The following STMN2 variants were observed in gnomAD, a reference collection of about 807,000 sequenced individuals.
STMN2 encodes the protein stathmin 2, also known as stathmin-2.
Under a neutral mutation model 24.1 loss-of-function variants are expected in STMN2, and 2 were observed. That is an observed-to-expected ratio of 0.08 (90% CI 0.03 to 0.26). The LOEUF is 0.26. Among genes scored for constraint, STMN2 ranks in the 10% least tolerant of loss-of-function variants. The pLI is 1.00. For missense variants in STMN2, 114 were observed against 213.6 expected (o/e 0.53, Z 2.91); for synonymous variants, 83 against 77.5 (o/e 1.07, Z -0.37).
At chr8:79,633,169 A>C (rs904681816) in intron 1 of STMN2, among the ~76,000 whole-genome samples, 4 of 152,328 alleles carry the variant, frequency 2.6e-5, no homozygotes, top group Non-Finnish European at 5.9e-5. Context: ...CCTTCTTCAC[A>C]GGAGAGTGTG....
At chr8:79,663,726 CA>C in intron 4 of STMN2, 1 of 1,280,634 alleles carries the variant, frequency 7.8e-7, no homozygotes, top group Non-Finnish European at 1.1e-6. Context: ...AATTTCAATT[CA>C]ATGAACATTT....
At position 79,631,546 on chromosome 8, in the gene STMN2, T is replaced by C. The variant is rs1052926342; in HGVS notation, c.20-5256T>C. 8.1e-6 allele frequency: 6 copies of C among 744,502 alleles called. No homozygotes were observed. In the African/African-American group the frequency reaches 1.1e-4, roughly 14 times the overall value. The allele number at this position is 744,502 out of a possible 1,614,324, so 46.1% of individuals were successfully genotyped here. ...TTCTGATATGTTAAAAAGGGTATTT[T>C]AAAATCTGAGTTATTTCTTTTTCTT... On this transcript the variant is annotated intron_variant, in intron 1 of 4. Transcript: ENST00000220876.
intron 1 of STMN2, among the ~76,000 whole-genome samples, chr8:79,631,767 C>G (rs1203483294): frequency 6.6e-6 from 1 of 152,164 alleles, no homozygotes; most frequent in African/African-American, 2.4e-5. Flanking sequence ...AAAAAATTAT[C>G]TGACCTTGAG....
chr8:79,633,439 G>A (rs2130339946), intron 1 of STMN2, among the ~76,000 whole-genome samples: 1 of 152,332 alleles, frequency 6.6e-6, no homozygotes, highest in Non-Finnish European at 1.5e-5. Flanking sequence ...ATTTTTATCA[G>A]TCATTTTCTT....
chr8:79,650,980 A>T (rs1347605557), intron 3 of STMN2, among the ~76,000 whole-genome samples: 1 of 152,200 alleles, frequency 6.6e-6, no homozygotes, highest in East Asian at 1.9e-4. Context: ...AATAGAGACT[A>T]ATATAGGAAG....
intron 1 of STMN2, among the ~76,000 whole-genome samples, chr8:79,629,970 A>G (rs923170699): frequency 6.6e-6 from 1 of 152,206 alleles, no homozygotes; most frequent in Non-Finnish European, 1.5e-5. Flanking sequence ...TTTTTATGCA[A>G]ACTCTTCAAG....
intron 3 of STMN2, 74 bp downstream of exon 3, chr8:79,641,624 G>GCACGCA (rs1563442403): frequency 6.3e-6 from 3 of 476,254 alleles, no homozygotes; most frequent in Non-Finnish European, 3.4e-6. Flanking sequence ...GGGCACACAT[G>GCACGCA]CACGCACACA....
chr8:79,641,142 T>C (rs1810087026), intron 2 of STMN2, among the ~76,000 whole-genome samples: 1 of 152,204 alleles, frequency 6.6e-6, no homozygotes, highest in Non-Finnish European at 1.5e-5. Context: ...CCTGCAGATA[T>C]TGTCAAATTT....
chr8:79,613,361 C>A, intron 1 of STMN2: 1 of 984,370 alleles, frequency 1.0e-6, no homozygotes, highest in Non-Finnish European at 1.2e-6. Flanking sequence ...CAGAGCCCCG[C>A]GCCGCGCCCT....
intron 1 of STMN2, among the ~76,000 whole-genome samples, chr8:79,619,513 A>G (rs190337944): frequency 1.1e-4 from 16 of 152,274 alleles, no homozygotes; most frequent in African/African-American, 3.4e-4. Context: ...ACCCCAACTT[A>G]TAATATATTG....
At chr8:79,611,300 T>C in intron 1 of STMN2, 86 bp downstream of exon 1, 1 of 1,556,560 alleles carries the variant, frequency 6.4e-7, no homozygotes, top group Admixed American at 1.7e-5. Context: ...CATTCAGAGA[T>C]ATTTTATAAA....
chr8:79,647,540 C>T (rs1810244063), intron 3 of STMN2, among the ~76,000 whole-genome samples: 1 of 152,168 alleles, frequency 6.6e-6, no homozygotes, highest in Non-Finnish European at 1.5e-5. Context: ...GGCTCAGATT[C>T]ACTTTGTGTT....
intron 1 of STMN2, among the ~76,000 whole-genome samples, chr8:79,634,444 A>G (rs1351446300): frequency 6.6e-6 from 1 of 152,198 alleles, no homozygotes; most frequent in Non-Finnish European, 1.5e-5. Context: ...GCTTATTTTA[A>G]GAAAATAAGC....
chr8:79,645,620 G>A (rs1238892354), intron 3 of STMN2, among the ~76,000 whole-genome samples: 2 of 152,114 alleles, frequency 1.3e-5, no homozygotes, highest in African/African-American at 4.8e-5. Flanking sequence ...AAGTTCAAAA[G>A]AAATTTCCAT....
At chr8:79,627,247 C>T (rs1809678990) in intron 1 of STMN2, among the ~76,000 whole-genome samples, 1 of 152,046 alleles carries the variant, frequency 6.6e-6, no homozygotes, top group Non-Finnish European at 1.5e-5. Flanking sequence ...TAATGTATTC[C>T]CAAGTTGTGA....
chr8:79,649,171 G>A (rs1019948429), intron 3 of STMN2, among the ~76,000 whole-genome samples: 1 of 152,086 alleles, frequency 6.6e-6, no homozygotes, highest in African/African-American at 2.4e-5. Context: ...AGGGAAAGAG[G>A]GGGTGGTTTG....
chr8:79,645,801 C>T (rs1475555335), intron 3 of STMN2, among the ~76,000 whole-genome samples: 2 of 152,144 alleles, frequency 1.3e-5, no homozygotes, highest in Non-Finnish European at 2.9e-5. Context: ...TTTCATCTCT[C>T]ACTCTCGTTC....
At chr8:79,624,453 C>CAAAAA (rs1011493193) in intron 1 of STMN2, among the ~76,000 whole-genome samples, 61 of 44,960 alleles carry the variant, frequency 1.4e-3, no homozygotes, top group African/African-American at 1.5e-3. Flanking sequence ...GACTCCGTCT[C>CAAAAA]AAAAAAAAAA....
At chr8:79,632,565 C>T (rs148688857) in intron 1 of STMN2, among the ~76,000 whole-genome samples, 3 of 152,296 alleles carry the variant, frequency 2.0e-5, no homozygotes, top group African/African-American at 4.8e-5. Flanking sequence ...CCGCGAATGA[C>T]GTTTTCTTTA....
Sources: allele counts gnomAD v4.1 joint callset (sites outside exome capture counted in the v4.1 genomes callset), GRCh38; gene constraint gnomAD v4.1.1; transcripts MANE v1.5; gene names NCBI Gene and HGNC (gene_info 2026-07-23, HGNC 2026-07-21).